NOL4L: variants seen among roughly 807,000 people sequenced by gnomAD.
NOL4L encodes nucleolar protein 4 like, also known as nucleolar protein 4-like.
Under a neutral mutation model 64.5 loss-of-function variants are expected in NOL4L, and 7 were observed. That is an observed-to-expected ratio of 0.11 (90% CI 0.06 to 0.20). The LOEUF (loss-of-function observed/expected upper bound fraction) is 0.20, where lower values mean the gene tolerates loss of function less well. NOL4L is among the 10% of genes least tolerant of loss of function. The probability of loss-of-function intolerance (pLI) is 1.00; values close to 1 mark genes in which losing one functional copy is unlikely to be tolerated. For missense variants in NOL4L, 680 were observed against 967.1 expected, an observed-to-expected ratio of 0.70 and a Z score of 3.94; for synonymous variants, 413 against 401.0, an observed-to-expected ratio of 1.03 and a Z score of -0.36.
chr20:32,508,762 T>C lies in NOL4L; in HGVS notation c.699+2585A>G, dbSNP rs557447083. The stretch of plus-strand genomic sequence containing the variant: ...ACAAATGCCCTCCACAGTCCTTTCT[T>C]CCTTTGGGAGCTACCAGAGCCTCAC... On this transcript the variant is annotated intron_variant, in intron 4 of 10. Transcript: ENST00000621426. 2.0e-5 allele frequency among the ~76,000 whole-genome samples: 3 copies of C among 152,294 alleles called. No individual in the cohort carries two copies. The East Asian group carries it at 5.8e-4, about 29-fold the overall frequency.
chr20:32,477,080 AC>A (rs963273636), intron 4 of NOL4L, among the ~76,000 whole-genome samples: 15 of 152,336 alleles, frequency 9.8e-5, no homozygotes, highest in Middle Eastern at 3.4e-3. Context: ...GCAGGGCCGT[AC>A]CTGCCATCTC....
intron 4 of NOL4L, among the ~76,000 whole-genome samples, chr20:32,476,198 G>C (rs866048425): frequency 7.1e-6 from 1 of 140,978 alleles, no homozygotes; most frequent in Admixed American, 7.1e-5. Flanking sequence ...CACCCGGAGG[G>C]ACACACACAC....
intron 1 of NOL4L, chr20:32,560,989 GGGGCCCAACTCCCTCCCGA>G (rs967890840): frequency 6.6e-6 from 1 of 152,348 alleles, no homozygotes; most frequent in Non-Finnish European, 1.5e-5. Context: ...GGCTGCTGGG[GGGGCCCAACTCCCTCCCGA>G]GCAGAGCCAC....
At chr20:32,541,149 G>C (rs1450162086) in intron 1 of NOL4L, among the ~76,000 whole-genome samples, 1 of 152,150 alleles carries the variant, frequency 6.6e-6, no homozygotes, top group Non-Finnish European at 1.5e-5. Flanking sequence ...ACTAGCCCGT[G>C]TCAGCCCCTG....
At chr20:32,462,091 CT>C (rs1374231014) in intron 5 of NOL4L, among the ~76,000 whole-genome samples, 2 of 152,142 alleles carry the variant, frequency 1.3e-5, no homozygotes, top group African/African-American at 4.8e-5. Context: ...GCTGCGATGG[CT>C]GGGAAGGTGC....
At chr20:32,583,038 C>T (rs972371267) in intron 1 of NOL4L, among the ~76,000 whole-genome samples, 1 of 152,118 alleles carries the variant, frequency 6.6e-6, no homozygotes, top group African/African-American at 2.4e-5. Context: ...GGGTCACTGC[C>T]CCAGCTTCCC....
chr20:32,509,659 A>T, intron 4 of NOL4L: 3 of 888,108 alleles, frequency 3.4e-6, no homozygotes, highest in Non-Finnish European at 4.5e-6. Flanking sequence ...CACCTAACCC[A>T]TAGTCTTAAC....
intron 5 of NOL4L, among the ~76,000 whole-genome samples, chr20:32,473,753 C>T (rs1208428790): frequency 6.6e-6 from 1 of 152,216 alleles, no homozygotes; most frequent in Non-Finnish European, 1.5e-5. Flanking sequence ...TTCCAGGCCT[C>T]GACCTTCAAC....
intron 3 of NOL4L, among the ~76,000 whole-genome samples, chr20:32,518,403 G>A (rs988729198): frequency 6.6e-6 from 1 of 152,214 alleles, no homozygotes; most frequent in African/African-American, 2.4e-5. Flanking sequence ...GAGGAAGCAG[G>A]CCACTGCTGT....
intron 1 of NOL4L, among the ~76,000 whole-genome samples, chr20:32,560,086 G>T (rs1978914365): frequency 6.6e-6 from 1 of 152,230 alleles, no homozygotes; most frequent in Non-Finnish European, 1.5e-5. Flanking sequence ...GCTGGAGGAT[G>T]GGGGGCAGGG....
In NOL4L at chr20:32,527,869, C is replaced by T. The variant is rs1237544803; in HGVS notation, c.366G>A (p.Arg122=). The change falls in exon 2 of 11, where the codon CGG becomes CGA. Residue 122 remains arginine, a synonymous_variant. Transcript: ENST00000621426. Reference sequence around the variant, plus strand: ...CAAAGAAATCTTCCACCACAGCGACCCGCTTCAGAGAGATGCCCTCTGGCT... The same window carrying T: ...CAAAGAAATCTTCCACCACAGCGACTCGCTTCAGAGAGATGCCCTCTGGCT... The part of the protein sequence containing the change: ...LSEPEGISLK[R]VAVVEDFFDI... 6.4e-7 allele frequency: 1 copy of T among 1,550,624 alleles called. No homozygotes were observed. Among genetic ancestry groups the T allele is most frequent in the Admixed American group, 2.0e-5 (1 of 51,008 alleles).
chr20:32,518,660 C>T (rs1310350195), intron 3 of NOL4L, among the ~76,000 whole-genome samples: 2 of 152,224 alleles, frequency 1.3e-5, no homozygotes, highest in Non-Finnish European at 1.5e-5. Context: ...TGTCTGACTC[C>T]GCCAGTTGCT....
intron 4 of NOL4L, chr20:32,483,263 A>AC: frequency 1.4e-6 from 1 of 711,524 alleles, no homozygotes; most frequent in Non-Finnish European, 1.7e-6. Context: ...CGCCCCCCTA[A>AC]CCGCAGCTCA....
At chr20:32,486,435 T>C (rs1197255934) in intron 4 of NOL4L, among the ~76,000 whole-genome samples, 1 of 152,158 alleles carries the variant, frequency 6.6e-6, no homozygotes, top group Non-Finnish European at 1.5e-5. Context: ...TCTGAAGACA[T>C]TGGGTGCTTT....
chr20:32,528,716 G>A lies in NOL4L; in HGVS notation c.322-803C>T, dbSNP rs372729632. Among the ~76,000 whole-genome samples, 47 of 152,354 alleles carry A rather than the reference G, an allele frequency of 3.1e-4. No individual in the cohort carries two copies. In the East Asian group the frequency reaches 7.3e-3, roughly 24 times the overall value. ...AACCACAGGGCAGGAGGCTGGGGGT[G>A]AGGCCAGGGCCCGGAAGGGAACGGA... On this transcript the variant is annotated intron_variant, in intron 1 of 10. Transcript: ENST00000621426.
At chr20:32,481,973 G>GC (rs1436844008) in intron 4 of NOL4L, among the ~76,000 whole-genome samples, 2 of 150,154 alleles carry the variant, frequency 1.3e-5, no homozygotes, top group African/African-American at 4.9e-5. Flanking sequence ...GCGGGGGGGG[G>GC]GGAGCAGGCT....
Position 32,447,736 on chromosome 20 carries a change from T to C in NOL4L, c.1903A>G (p.Ser635Gly), listed in dbSNP as rs755331445. ...PTPTPSSTSTSRPVPTAQLSP... is the reference protein window; with the variant it reads ...PTPTPSSTSTGRPVPTAQLSP... The stretch of plus-strand genomic sequence containing the variant: ...AGCTGAGCGGTGGGCACGGGCCTGC[T>C]GGTGCTGGTGCTGGAGGGGGTGGGC... The change falls in exon 11 of 11, where the codon AGC becomes GGC. Residue 635 changes from serine to glycine, a missense_variant. By Grantham distance (56) the Ser-to-Gly change is moderately conservative. This residue lies in a region of NOL4L where 175 missense variants were observed against 227.0 expected (regional missense o/e 0.77). Coordinates refer to ENST00000621426, the MANE Select transcript of NOL4L (RefSeq NM_001256798.2). 1.3e-6 allele frequency: 2 copies of C among 1,511,532 alleles called. No individual in the cohort carries two copies. Among genetic ancestry groups the C allele is most frequent in the East Asian group, 2.7e-5 (1 of 37,180 alleles). 93.6% of individuals were successfully genotyped at this position (1,511,532 alleles called of 1,614,324 possible). A position where few individuals can be genotyped will look rare whatever the true frequency, so the allele number is the denominator to read the frequency against.
At chr20:32,538,482 C>G (rs1033256586) in intron 1 of NOL4L, among the ~76,000 whole-genome samples, 6 of 145,298 alleles carry the variant, frequency 4.1e-5, no homozygotes, top group African/African-American at 1.2e-4. Flanking sequence ...TCCCTCCCTC[C>G]CTCCCTCCCT....
At chr20:32,531,514 G>A (rs1359875685) in intron 1 of NOL4L, among the ~76,000 whole-genome samples, 3 of 151,974 alleles carry the variant, frequency 2.0e-5, no homozygotes, top group African/African-American at 4.8e-5. Flanking sequence ...CACCACACCT[G>A]GCTAATTTTT....
Sources: allele counts gnomAD v4.1 joint callset (sites outside exome capture counted in the v4.1 genomes callset), GRCh38; gene constraint gnomAD v4.1.1; regional missense constraint gnomAD v4.1.1; transcripts MANE v1.5; gene names NCBI Gene and HGNC (gene_info 2026-07-23, HGNC 2026-07-21).